Variants in ATAD2B observed in about 807,000 individuals in gnomAD.
The protein encoded by ATAD2B is ATPase family AAA domain-containing protein 2B.
In ATAD2B, 40 loss-of-function variants were observed where a neutral mutation model predicts 167.6. The observed-to-expected ratio is 0.24, with a 90% confidence interval of 0.19 to 0.31. The LOEUF (loss-of-function observed/expected upper bound fraction) is 0.31. Ranked by LOEUF, ATAD2B falls within the 10% of genes least tolerant of loss-of-function variation. ATAD2B has a pLI of 1.00. For synonymous variants in ATAD2B, 579 were observed against 596.5 expected (o/e 0.97, Z 0.43); for missense variants, 1,242 against 1,757.2 (o/e 0.71, Z 5.24).
At chr2:23,712,055 T>C in the ATAD2B span, among the ~76,000 whole-genome samples, 1 of 152,166 alleles carries the variant, frequency 6.6e-6, no homozygotes, top group African/African-American at 2.4e-5. Flanking sequence ...TTCATGCTCA[T>C]TACGGTCCTG....
At chr2:23,720,389 C>T in the ATAD2B span, among the ~76,000 whole-genome samples, 1 of 152,060 alleles carries the variant, frequency 6.6e-6, no homozygotes, top group South Asian at 2.1e-4. Context: ...GCCTGGCCAA[C>T]ATAGTAAAAC....
intron 1 of ATAD2B, among the ~76,000 whole-genome samples, chr2:23,912,614 T>C (rs1006051607): frequency 9.2e-5 from 14 of 152,034 alleles, no homozygotes; most frequent in Admixed American, 7.2e-4. Context: ...TTAAAATCTA[T>C]TCTAAAATAA....
Position 23,751,737 on chromosome 2 carries a change from A to C in ATAD2B, c.*309T>G, listed in dbSNP as rs548924360. 202 of 372,620 alleles carry C rather than the reference A, an allele frequency of 5.4e-4. 2 individuals carry two copies. In the Middle Eastern group the frequency reaches 9.5e-3, roughly 18 times the overall value. 23.1% of individuals were successfully genotyped at this position (372,620 alleles called of 1,614,324 possible). A position where few individuals can be genotyped will look rare whatever the true frequency, so the allele number is the denominator to read the frequency against. ...GCTCCCTAAGAGAGGAGTCTCCAAAAGAGAGTGCACAAAAAGAGGAGCAGA... is the reference window on the plus strand; with the variant it reads ...GCTCCCTAAGAGAGGAGTCTCCAAACGAGAGTGCACAAAAAGAGGAGCAGA... On this transcript the variant is annotated 3_prime_UTR_variant, in exon 28 of 28. Coordinates refer to ENST00000238789, the MANE Select transcript of ATAD2B (RefSeq NM_017552.4).
At chr2:23,843,171 T>C (rs561698718) in intron 13 of ATAD2B, among the ~76,000 whole-genome samples, 1 of 152,040 alleles carries the variant, frequency 6.6e-6, no homozygotes, top group South Asian at 2.1e-4. Flanking sequence ...TGAAAAACAA[T>C]CAAATGTAAG....
At chr2:23,717,660 G>A in the ATAD2B span, among the ~76,000 whole-genome samples, 1 of 151,992 alleles carries the variant, frequency 6.6e-6, no homozygotes, top group South Asian at 2.1e-4. Flanking sequence ...AGCAACAAAA[G>A]GATCGAGAGG....
At chr2:23,900,360 C>T (rs1190119880) in intron 1 of ATAD2B, among the ~76,000 whole-genome samples, 2 of 152,198 alleles carry the variant, frequency 1.3e-5, no homozygotes, top group East Asian at 1.9e-4. Context: ...AGCCACCACG[C>T]CCAGCTTTAG....
At chr2:23,790,618 T>C (rs1681536328) in intron 19 of ATAD2B, among the ~76,000 whole-genome samples, 1 of 152,222 alleles carries the variant, frequency 6.6e-6, no homozygotes, top group Non-Finnish European at 1.5e-5. Context: ...CTCCTAACTT[T>C]ATCTTCTGAC....
At chr2:23,684,110 T>A in the ATAD2B span, among the ~76,000 whole-genome samples, 1 of 152,194 alleles carries the variant, frequency 6.6e-6, no homozygotes, top group Non-Finnish European at 1.5e-5. This position sits in a 1 kb window ranked among gnomAD's most constrained non-coding sequence, Gnocchi z 4.4. Context: ...TATGGGAATC[T>A]CTCCCCCAAC....
the ATAD2B span, among the ~76,000 whole-genome samples, chr2:23,740,272 C>G: frequency 4.1e-4 from 62 of 152,306 alleles, no homozygotes; most frequent in Middle Eastern, 3.4e-3. Flanking sequence ...AGACCAATAT[C>G]CCTGATGAAC....
At chr2:23,858,720 T>A (rs561339564) in intron 12 of ATAD2B, among the ~76,000 whole-genome samples, 10 of 152,190 alleles carry the variant, frequency 6.6e-5, no homozygotes, top group Admixed American at 2.0e-4. Flanking sequence ...TGGGCTCAAG[T>A]GACCCTTCCA....
At chr2:23,916,582 T>G (rs1485147722) in intron 1 of ATAD2B, among the ~76,000 whole-genome samples, 2 of 152,208 alleles carry the variant, frequency 1.3e-5, no homozygotes, top group Non-Finnish European at 2.9e-5. Flanking sequence ...GCAAGAAAGT[T>G]GTCTGGCACA....
intron 16 of ATAD2B, among the ~76,000 whole-genome samples, chr2:23,821,349 C>T (rs1043856104): frequency 2.0e-5 from 3 of 152,098 alleles, no homozygotes; most frequent in Non-Finnish European, 2.9e-5. Context: ...TTTTTTGGGA[C>T]GTTTTGGTAC....
chr2:23,906,371 A>T lies in ATAD2B; in HGVS notation c.217-10401T>A, dbSNP rs142550192. ...AAAAAGAAAGGTCATTTTCTGCTAC[A>T]CTATTTATAAAGTTAAAAGTATGGA... On this transcript the variant is annotated intron_variant, in intron 1 of 27. Coordinates refer to ENST00000238789, the MANE Select transcript of ATAD2B (RefSeq NM_017552.4). Among the ~76,000 whole-genome samples, 1,011 of 152,216 alleles carry T rather than the reference A, an allele frequency of 6.6e-3. 7 individuals are homozygous for T. Among genetic ancestry groups the T allele is most frequent in the Non-Finnish European group, 0.01 (714 of 68,012 alleles).
chr2:23,705,832 G>A, the ATAD2B span, among the ~76,000 whole-genome samples: 1 of 152,204 alleles, frequency 6.6e-6, no homozygotes, highest in Admixed American at 6.5e-5. Context: ...AATGCATTAA[G>A]GGAGTCAGTG....
chr2:23,798,087 C>A, intron 19 of ATAD2B, 51 bp downstream of exon 19: 1 of 1,194,224 alleles, frequency 8.4e-7, no homozygotes. Context: ...ACAGAGTCAA[C>A]TATTTTAGAA....
intron 22 of ATAD2B, 118 bp downstream of exon 22, chr2:23,782,751 T>C: frequency 3.8e-6 from 3 of 790,202 alleles, no homozygotes. Context: ...TTGAGAAGTT[T>C]TGAAAAACAA....
chr2:23,778,418 C>T (rs1200949064), intron 22 of ATAD2B, among the ~76,000 whole-genome samples: 1 of 152,136 alleles, frequency 6.6e-6, no homozygotes, highest in Non-Finnish European at 1.5e-5. Flanking sequence ...ATTTTCACTA[C>T]CAGCCCTTAG....
chr2:23,866,747 T>G (rs942947986), intron 10 of ATAD2B, among the ~76,000 whole-genome samples: 2 of 152,210 alleles, frequency 1.3e-5, no homozygotes, highest in Admixed American at 1.3e-4. Context: ...TAAAATTTCA[T>G]CTTCAAGTAT....
At chr2:23,712,602 AG>A in the ATAD2B span, among the ~76,000 whole-genome samples, 1 of 152,188 alleles carries the variant, frequency 6.6e-6, no homozygotes, top group African/African-American at 2.4e-5. Flanking sequence ...TCGGCCCCAA[AG>A]GGAATATCAT....
Sources: gnomAD v4.1 joint callset for allele counts (sites outside exome capture counted in the v4.1 genomes callset) on GRCh38, gnomAD v4.1.1 for gene constraint, Gnocchi (gnomAD v3.1) non-coding constraint, MANE v1.5 for transcripts, NCBI Gene and HGNC (gene_info 2026-07-23, HGNC 2026-07-21) for gene names.